XIRP2: variants seen among roughly 807,000 people sequenced by gnomAD.
XIRP2 encodes xin actin-binding repeat-containing protein 2.
In XIRP2, 236 loss-of-function variants were observed where a neutral mutation model predicts 277.0. That is an observed-to-expected ratio of 0.85 (90% CI 0.77 to 0.95). XIRP2 has a LOEUF of 0.95. Ranked by LOEUF, XIRP2 falls within the 40% of genes least tolerant of loss-of-function variation. XIRP2 has a pLI of 0.00. For missense variants in XIRP2, 4,640 were observed against 4,157.5 expected, an observed-to-expected ratio of 1.12 and a Z score of -3.19; for synonymous variants, 1,490 against 1,416.5, an observed-to-expected ratio of 1.05 and a Z score of -1.17.
At position 167,242,818 on chromosome 2, in the gene XIRP2, C is replaced by T; in HGVS notation, c.1426C>T (p.Pro476Ser). 18 of 1,614,136 alleles carry T rather than the reference C, an allele frequency of 1.1e-5. No individual in the cohort carries two copies. The highest frequency in any genetic ancestry group is 1.5e-5 in the Non-Finnish European group (18 of 1,180,002). ...VTAFSQSPEL[P>S]SPPRRLPVPK... ...AGCATTTTCCCAGTCCCCTGAACTG[C>T]CCAGTCCTCCTAGAAGACTACCAGT... The change falls in exon 9 of 11, where the codon CCC becomes TCC. Residue 476 changes from proline to serine, a missense_variant. Pro to Ser is a moderately conservative substitution (Grantham distance 74). Transcript: ENST00000409195.
chr2:167,012,944 G>T (rs1008783976), intron 2 of XIRP2, among the ~76,000 whole-genome samples: 4 of 150,838 alleles, frequency 2.7e-5, no homozygotes, highest in Admixed American at 6.6e-5. Flanking sequence ...ATAAAAATTA[G>T]GATGTAGTAG....
chr2:167,019,038 A>G (rs1412181591), intron 2 of XIRP2, among the ~76,000 whole-genome samples: 1 of 152,028 alleles, frequency 6.6e-6, no homozygotes, highest in Non-Finnish European at 1.5e-5. Flanking sequence ...TGAGTGAATA[A>G]CTGCATGCAC....
Position 167,244,963 on chromosome 2 carries a change from G to T in XIRP2, c.3571G>T (p.Asp1191Tyr). The change falls in exon 9 of 11, where the codon GAT (aspartate) becomes TAT (tyrosine). Residue 1191 changes from aspartate to tyrosine, a missense_variant. Asp to Tyr is a radical substitution (Grantham distance 160, BLOSUM62 -3). Coordinates refer to ENST00000409195, the MANE Select transcript of XIRP2 (RefSeq NM_152381.6). ...EVKEIKPVEM[D>Y]IQAGDVSSMR... is the part of the protein sequence containing the mutation. ...GAAGGAAATCAAGCCTGTTGAAATG[G>T]ATATACAAGCTGGAGATGTTTCCAG... 1 of 1,612,836 alleles carries T rather than the reference G, an allele frequency of 6.2e-7. No individual in the cohort carries two copies. The highest frequency in any genetic ancestry group is 1.1e-5 in the South Asian group (1 of 90,838).
chr2:167,153,877 A>G (rs1692100051), intron 3 of XIRP2, among the ~76,000 whole-genome samples: 1 of 151,178 alleles, frequency 6.6e-6, no homozygotes. Flanking sequence ...ATACATGTGC[A>G]TGTGTCTTTA....
At chr2:167,178,254 GAGA>G (rs1360784294) in intron 3 of XIRP2, among the ~76,000 whole-genome samples, 1 of 152,074 alleles carries the variant, frequency 6.6e-6, no homozygotes. Flanking sequence ...TGCTTTTTTA[GAGA>G]AGATGTTTTA....
chr2:167,130,294 C>A (rs1366459264), intron 2 of XIRP2, among the ~76,000 whole-genome samples: 2 of 152,168 alleles, frequency 1.3e-5, no homozygotes, highest in East Asian at 3.9e-4. Flanking sequence ...CAACCACCAA[C>A]CATCATGACT....
intron 2 of XIRP2, among the ~76,000 whole-genome samples, chr2:167,100,739 G>C (rs1690464284): frequency 3.9e-5 from 6 of 152,160 alleles, no homozygotes; most frequent in Admixed American, 3.3e-4. Context: ...GCTTCTTCTT[G>C]TTAGGTCTGT....
At chr2:167,047,680 C>T (rs1414122636) in intron 2 of XIRP2, among the ~76,000 whole-genome samples, 1 of 151,842 alleles carries the variant, frequency 6.6e-6, no homozygotes, top group Non-Finnish European at 1.5e-5. Context: ...TAGCAATTTG[C>T]AGAATATCTC....
chr2:167,186,096 G>A (rs1693144931), intron 3 of XIRP2, among the ~76,000 whole-genome samples: 1 of 152,084 alleles, frequency 6.6e-6, no homozygotes, highest in Non-Finnish European at 1.5e-5. Context: ...TGTAGCCAAA[G>A]AACTGAATTT....
At chr2:167,037,357 C>G (rs1246979904) in intron 2 of XIRP2, among the ~76,000 whole-genome samples, 1 of 152,118 alleles carries the variant, frequency 6.6e-6, no homozygotes, top group Non-Finnish European at 1.5e-5. Flanking sequence ...AACAAATATT[C>G]AACTCACATA....
chr2:167,087,590 C>G (rs181580730), intron 2 of XIRP2, among the ~76,000 whole-genome samples: 1 of 152,136 alleles, frequency 6.6e-6, no homozygotes, highest in African/African-American at 2.4e-5. Flanking sequence ...TAGCAATCAG[C>G]GAGACTCCAT....
chr2:167,244,665 CA>C lies in XIRP2; in HGVS notation c.3277del (p.Thr1093ProfsTer20). ...CTAGAGATATTGTTAAAGGGGATGT[CA>C]AAACCTGTAAATGGCTTTTTGAGAC... ...QTRDIVKGDV[K>X]TCKWLFETQP... On this transcript the variant is annotated frameshift_variant, in exon 9 of 11. Coordinates refer to ENST00000409195, the MANE Select transcript of XIRP2 (RefSeq NM_152381.6). LOFTEE classifies it high-confidence loss of function. The C allele has an allele frequency of 1.2e-6, 2 of 1,613,420 alleles. No homozygotes were observed. Among genetic ancestry groups the C allele is most frequent in the Non-Finnish European group, 1.7e-6 (2 of 1,179,688 alleles).
chr2:167,191,990 A>C (rs572707176), intron 3 of XIRP2, among the ~76,000 whole-genome samples: 1 of 152,350 alleles, frequency 6.6e-6, no homozygotes, highest in East Asian at 1.9e-4. Context: ...ATCTGCATGT[A>C]TATTTGTAAA....
intron 2 of XIRP2, among the ~76,000 whole-genome samples, chr2:167,031,499 T>C (rs1204381931): frequency 6.6e-6 from 1 of 151,932 alleles, no homozygotes. Context: ...AATTCTTTTC[T>C]TTAAGAATGT....
intron 2 of XIRP2, among the ~76,000 whole-genome samples, chr2:166,963,482 G>A (rs1195327816): frequency 6.6e-6 from 1 of 151,842 alleles, no homozygotes; most frequent in Non-Finnish European, 1.5e-5. Context: ...ATAAATGAAA[G>A]TGTAAATGAA....
chr2:166,921,858 T>A (rs990779462), intron 2 of XIRP2, among the ~76,000 whole-genome samples: 14 of 152,168 alleles, frequency 9.2e-5, no homozygotes, highest in Non-Finnish European at 1.5e-5. Flanking sequence ...TAACTTGATG[T>A]TGATTGTCCC....
At chr2:166,950,600 G>T (rs1436745481) in intron 2 of XIRP2, among the ~76,000 whole-genome samples, 1 of 152,006 alleles carries the variant, frequency 6.6e-6, no homozygotes. Flanking sequence ...ATTTGAAGAT[G>T]GAAAAGGCAT....
chr2:166,945,144 A>G (rs1685820159), intron 2 of XIRP2, among the ~76,000 whole-genome samples: 1 of 152,158 alleles, frequency 6.6e-6, no homozygotes, highest in Admixed American at 6.5e-5. Context: ...TGTCTAGACC[A>G]GGGTCATCCG....
At chr2:167,159,089 C>T (rs1692288126) in intron 3 of XIRP2, among the ~76,000 whole-genome samples, 3 of 152,062 alleles carry the variant, frequency 2.0e-5, no homozygotes, top group South Asian at 4.1e-4. Context: ...ATGGTGGAAA[C>T]GTTCATAGAG....
Sources: gnomAD v4.1 joint callset for allele counts (sites outside exome capture counted in the v4.1 genomes callset) on GRCh38, gnomAD v4.1.1 for gene constraint, MANE v1.5 for transcripts, NCBI Gene and HGNC (gene_info 2026-07-23, HGNC 2026-07-21) for gene names.